Variants in RAD54L2 observed in about 807,000 individuals in gnomAD.
The protein encoded by RAD54L2 is RAD54 like 2, also known as helicase ARIP4.
A neutral mutation model predicts 138.4 loss-of-function variants in RAD54L2; 27 were observed. That is an observed-to-expected ratio of 0.20 (90% confidence interval 0.14 to 0.27). The LOEUF (loss-of-function observed/expected upper bound fraction) is 0.27, where lower values mean the gene tolerates loss of function less well. RAD54L2 is among the 10% of genes least tolerant of loss of function. The pLI, the probability that RAD54L2 is intolerant of heterozygous loss-of-function variation, is 1.00. For synonymous variants in RAD54L2, 644 were observed against 723.2 expected (o/e 0.89, Z 1.76); for missense variants, 1,396 against 1,890.2 (o/e 0.74, Z 4.85).
Position 51,635,708 on chromosome 3 carries a change from A to G in RAD54L2, c.1258A>G (p.Arg420Gly), listed in dbSNP as rs1700968405. Residue 420 changes from arginine to glycine, a missense_variant, in exon 10 of 23, where the codon AGA (arginine) becomes GGA (glycine). Arg to Gly is a moderately radical substitution (Grantham distance 125). This residue lies in a region of RAD54L2 where 169 missense variants were observed against 235.6 expected (regional missense o/e 0.72). Coordinates refer to ENST00000684192, the MANE Select transcript of RAD54L2 (RefSeq NM_015106.4). The part of the protein sequence containing the change: ...LTLKKSFATG[R>G]PKKTKKRSHP... ...TCTGAAGAAATCATTTGCCACAGGT[A>G]GACCGAAGAAAACCAAGAAGCGTTC... is the stretch of plus-strand genomic sequence containing the variant. 6.2e-7 allele frequency: 1 copy of G among 1,613,810 alleles called. No individual in the cohort carries two copies. Among genetic ancestry groups the G allele is most frequent in the Non-Finnish European group, 8.5e-7 (1 of 1,179,882 alleles).
intron 3 of RAD54L2, among the ~76,000 whole-genome samples, chr3:51,600,990 C>T (rs911802029): frequency 1.3e-5 from 2 of 151,910 alleles, no homozygotes; most frequent in Non-Finnish European, 2.9e-5. Flanking sequence ...AAAACAAAAC[C>T]CACCTATTTT....
chr3:51,571,374 C>G (rs1445445768), intron 2 of RAD54L2, among the ~76,000 whole-genome samples: 1 of 144,322 alleles, frequency 6.9e-6, no homozygotes, highest in Non-Finnish European at 1.5e-5. Flanking sequence ...GGCTGTGTCT[C>G]TGTGGAATAC....
At chr3:51,574,531 C>T (rs1024466388) in intron 2 of RAD54L2, among the ~76,000 whole-genome samples, 7 of 152,200 alleles carry the variant, frequency 4.6e-5, no homozygotes, top group East Asian at 1.9e-4. Flanking sequence ...TTTTAATGAT[C>T]GCCATTCTAA....
At chr3:51,590,891 A>G (rs931793986) in intron 3 of RAD54L2, among the ~76,000 whole-genome samples, 1 of 152,236 alleles carries the variant, frequency 6.6e-6, no homozygotes, top group African/African-American at 2.4e-5. Flanking sequence ...AAGACTTTGC[A>G]GTCTGGAGGC....
chr3:51,550,307 GTTTCTGTCACCATAC>G (rs1438660567), intron 2 of RAD54L2, among the ~76,000 whole-genome samples: 1 of 152,122 alleles, frequency 6.6e-6, no homozygotes, highest in Non-Finnish European at 1.5e-5. Context: ...TTTCCCCATT[GTTTCTGTCACCATAC>G]TTTCGTCATC....
intron 3 of RAD54L2, among the ~76,000 whole-genome samples, chr3:51,619,535 T>TTACC (rs1027871538): frequency 2.0e-5 from 3 of 152,122 alleles, no homozygotes; most frequent in African/African-American, 7.2e-5. Flanking sequence ...CCTTTATACT[T>TTACC]TACCAACAAT....
chr3:51,639,729 C>A, intron 13 of RAD54L2, 59 bp downstream of exon 13: 1 of 1,592,782 alleles, frequency 6.3e-7, no homozygotes, highest in Non-Finnish European at 8.6e-7. Flanking sequence ...ATGGTGCAAG[C>A]CCTGCCTGGG....
At chr3:51,657,827 G>A (rs1701644570) in intron 21 of RAD54L2, among the ~76,000 whole-genome samples, 158 bp downstream of exon 21, 1 of 151,670 alleles carries the variant, frequency 6.6e-6, no homozygotes, top group Non-Finnish European at 1.5e-5. Flanking sequence ...ATTTGTAGGA[G>A]CTTAGGGGAG....
chr3:51,607,966 G>C (rs1284054973), intron 3 of RAD54L2, among the ~76,000 whole-genome samples: 1 of 149,804 alleles, frequency 6.7e-6, no homozygotes, highest in Non-Finnish European at 1.5e-5. Flanking sequence ...CTGGCCGGGT[G>C]GGGGCTGCCC....
intron 2 of RAD54L2, among the ~76,000 whole-genome samples, chr3:51,547,613 ACT>A (rs1698729711): frequency 6.9e-6 from 1 of 145,454 alleles, no homozygotes; most frequent in Non-Finnish European, 1.5e-5. Flanking sequence ...ACAGGGTCTG[ACT>A]CTGTCACCCA....
Position 51,663,549 on chromosome 3 carries a change from G to A in RAD54L2, c.*129G>A. ...GAAAAGGAAGAGGACAAAGGAGGGT[G>A]GTTGGCCAAAGTGGCAGAGCTCTGT... On this transcript the variant is annotated 3_prime_UTR_variant, in exon 23 of 23. Transcript: ENST00000684192. The A allele has an allele frequency of 1.0e-6, 1 of 962,486 alleles. No homozygotes were observed. 59.6% of individuals were successfully genotyped at this position (962,486 alleles called of 1,614,324 possible).
chr3:51,662,363 C>G lies in RAD54L2; in HGVS notation c.3410-63C>G. 1.2e-5 allele frequency: 17 copies of G among 1,385,812 alleles called. No individual in the cohort carries two copies. Among genetic ancestry groups the G allele is most frequent in the Non-Finnish European group, 1.5e-5 (16 of 1,041,422 alleles). The allele number at this position is 1,385,812 out of a possible 1,614,324, so 85.8% of individuals were successfully genotyped here. On this transcript the variant is annotated intron_variant, in intron 22 of 22. Transcript: ENST00000684192. The surrounding 1 kb of genome is among the most constrained non-coding windows in gnomAD (Gnocchi z 4.6). ...ACAGGATTTTTTTTAATGGAGTTTT[C>G]TCCTCTACCCTTCTTCTCTCCCTGG...
chr3:51,585,596 G>T (rs984375694), intron 2 of RAD54L2, among the ~76,000 whole-genome samples: 2 of 152,138 alleles, frequency 1.3e-5, no homozygotes, highest in East Asian at 1.9e-4. Flanking sequence ...TTGACAGGTG[G>T]CGTTGTCTTT....
intron 2 of RAD54L2, among the ~76,000 whole-genome samples, chr3:51,573,061 GTC>G (rs71084150): frequency 0.018 from 2,679 of 152,204 alleles, 48 homozygotes; most frequent in Non-Finnish European, 0.026. Flanking sequence ...GAATAACTTT[GTC>G]CATAAAGTAA....
At chr3:51,594,498 G>A (rs557080123) in intron 3 of RAD54L2, among the ~76,000 whole-genome samples, 37 of 152,276 alleles carry the variant, frequency 2.4e-4, no homozygotes, top group Admixed American at 6.5e-4. Context: ...TGGCAAAGCT[G>A]GACTTTTGGT....
At chr3:51,568,832 G>A (rs1699273392) in intron 2 of RAD54L2, among the ~76,000 whole-genome samples, 4 of 152,002 alleles carry the variant, frequency 2.6e-5, no homozygotes, top group Admixed American at 2.6e-4. Context: ...TTTGTATTAG[G>A]GATATAATTT....
At chr3:51,653,858 C>T (rs1009314549) in intron 19 of RAD54L2, among the ~76,000 whole-genome samples, 1 of 152,064 alleles carries the variant, frequency 6.6e-6, no homozygotes, top group Non-Finnish European at 1.5e-5. Context: ...GTGCAGCATA[C>T]CAACATGGCA....
Position 51,662,438 on chromosome 3 carries a change from C to A in RAD54L2, c.3422C>A (p.Pro1141His). The change falls in exon 23 of 23, where the codon CCT (proline) becomes CAT (histidine). Residue 1141 changes from proline (P) to histidine (H), a missense_variant. Pro to His is a moderately conservative substitution (Grantham distance 77, BLOSUM62 -2). Coordinates refer to ENST00000684192, the MANE Select transcript of RAD54L2 (RefSeq NM_015106.4). The surrounding 1 kb of genome is among the most constrained non-coding windows in gnomAD (Gnocchi z 4.6). Reference sequence around the variant, plus strand: ...ATTTTGTCCCCAGGTTCCCAGGGACCTTCTTGCGAGTCCACAAGCAACGGC... The same window carrying A: ...ATTTTGTCCCCAGGTTCCCAGGGACATTCTTGCGAGTCCACAAGCAACGGC... ...GRMAASGSQGPSCESTSNGRH... is the reference protein window; with the variant it reads ...GRMAASGSQGHSCESTSNGRH... The A allele has an allele frequency of 6.6e-7, 1 of 1,525,314 alleles. No individual in the cohort carries two copies. Among genetic ancestry groups the A allele is most frequent in the South Asian group, 1.3e-5 (1 of 77,694 alleles). The allele number at this position is 1,525,314 out of a possible 1,614,324, so 94.5% of individuals were successfully genotyped here.
intron 9 of RAD54L2, among the ~76,000 whole-genome samples, chr3:51,634,592 A>T (rs1330522019): frequency 6.6e-6 from 1 of 151,828 alleles, no homozygotes; most frequent in Admixed American, 6.6e-5. Context: ...CTGGTCTCGA[A>T]CTCCTGACCT....
Sources: gnomAD v4.1 joint callset for allele counts (sites outside exome capture counted in the v4.1 genomes callset) on GRCh38, gnomAD v4.1.1 for gene constraint, gnomAD v4.1.1 regional missense constraint, Gnocchi (gnomAD v3.1) non-coding constraint, MANE v1.5 for transcripts, NCBI Gene and HGNC (gene_info 2026-07-23, HGNC 2026-07-21) for gene names.